Variants in RASGRF2 observed in about 807,000 individuals in gnomAD.
RASGRF2 encodes the protein ras-specific guanine nucleotide-releasing factor 2.
A neutral mutation model predicts 151.0 loss-of-function variants in RASGRF2; 76 were observed. The ratio of observed to expected loss-of-function variants is 0.50; its 90% confidence interval spans 0.42 to 0.61. RASGRF2 has a LOEUF of 0.61. RASGRF2 is among the 20% of genes least tolerant of loss of function. RASGRF2 has a pLI of 0.00. For synonymous variants in RASGRF2, 504 were observed against 566.5 expected (o/e 0.89, Z 1.57); for missense variants, 1,148 against 1,564.6 (o/e 0.73, Z 4.49).
At chr5:81,057,124 A>T (rs1751245505) in intron 2 of RASGRF2, among the ~76,000 whole-genome samples, 1 of 152,162 alleles carries the variant, frequency 6.6e-6, no homozygotes, top group Non-Finnish European at 1.5e-5. Flanking sequence ...CATTTAGCCC[A>T]TTTACATTTA....
chr5:81,003,507 G>A (rs867158518), intron 1 of RASGRF2, among the ~76,000 whole-genome samples: 5 of 152,154 alleles, frequency 3.3e-5, no homozygotes, highest in East Asian at 1.9e-4. Flanking sequence ...ACAGGCGTGA[G>A]CCACTGCGCC....
Position 81,210,395 on chromosome 5 carries a change from A to C in RASGRF2, c.3156+1957A>C, listed in dbSNP as rs184267599. Among the ~76,000 whole-genome samples the C allele has an allele frequency of 9.2e-5, 14 of 152,334 alleles. No homozygotes were observed. The East Asian group carries it at 2.7e-3, about 29-fold the overall frequency. ...CAGCAGCTTAACTCTTTCTCTGGGC[A>C]TGAGCTCCTGTACAGTGTCAACAGG... On this transcript the variant is annotated intron_variant, in intron 22 of 26. Transcript: ENST00000265080.
Position 81,048,240 on chromosome 5 carries a change from A to G in RASGRF2, c.395+5257A>G, listed in dbSNP as rs906816794. The stretch of plus-strand genomic sequence containing the variant: ...TTCTTCCTGTAACAGTAAAACTGTC[A>G]CTACTTTAAAGATGAAAATGTGGAT... On this transcript the variant is annotated intron_variant, in intron 2 of 26. Transcript: ENST00000265080. 8.5e-5 allele frequency among the ~76,000 whole-genome samples: 13 copies of G among 152,356 alleles called. No homozygotes were observed. In the East Asian group the frequency reaches 2.5e-3, roughly 29 times the overall value.
intron 23 of RASGRF2, among the ~76,000 whole-genome samples, chr5:81,213,750 A>C (rs1050637522): frequency 6.6e-6 from 1 of 152,156 alleles, no homozygotes; most frequent in African/African-American, 2.4e-5. Flanking sequence ...GTAAAAATGC[A>C]GTGCTCTGAG....
chr5:80,966,900 G>A (rs1039072213), intron 1 of RASGRF2, among the ~76,000 whole-genome samples: 22 of 152,268 alleles, frequency 1.4e-4, no homozygotes, highest in Middle Eastern at 3.4e-3. Flanking sequence ...GTTGGTCTGT[G>A]TTTATTTAAC....
At chr5:81,036,629 A>G (rs1750504424) in intron 1 of RASGRF2, among the ~76,000 whole-genome samples, 1 of 152,112 alleles carries the variant, frequency 6.6e-6, no homozygotes, top group Non-Finnish European at 1.5e-5. Flanking sequence ...TTTTCACCAA[A>G]TACTTAAGGA....
chr5:81,055,209 T>A (rs920038561), intron 2 of RASGRF2, among the ~76,000 whole-genome samples: 1 of 152,210 alleles, frequency 6.6e-6, no homozygotes, highest in Admixed American at 6.5e-5. Flanking sequence ...TGTGCCAGTT[T>A]TCAAAGGGAA....
chr5:81,072,342 C>T (rs529995519), intron 4 of RASGRF2, among the ~76,000 whole-genome samples: 9 of 152,200 alleles, frequency 5.9e-5, no homozygotes, highest in African/African-American at 2.2e-4. Context: ...GGTGACGACA[C>T]TGGTAGGCAG....
intron 16 of RASGRF2, among the ~76,000 whole-genome samples, chr5:81,125,371 T>C (rs1028629102): frequency 6.6e-6 from 1 of 152,200 alleles, no homozygotes; most frequent in Non-Finnish European, 1.5e-5. Flanking sequence ...TCTGCCTTTG[T>C]GGATATTAGC....
chr5:81,180,167 C>T lies in RASGRF2; in HGVS notation c.2687-8C>T, dbSNP rs368579996. 47 of 1,549,382 alleles carry T rather than the reference C, an allele frequency of 3.0e-5. No homozygotes were observed. Among genetic ancestry groups the T allele is most frequent in the Middle Eastern group, 1.7e-4 (1 of 5,926 alleles). ...CTGCAACACGTGTGTGTTTCTTTTT[C>T]TCCTAAGGCTTTAACAACACCGAGA... On this transcript the variant is annotated splice_polypyrimidine_tract_variant and splice_region_variant and intron_variant, in intron 17 of 26. Coordinates refer to ENST00000265080, the MANE Select transcript of RASGRF2 (RefSeq NM_006909.3).
chr5:81,111,326 G>A (rs539915028), intron 13 of RASGRF2, among the ~76,000 whole-genome samples: 3 of 152,304 alleles, frequency 2.0e-5, no homozygotes, highest in Admixed American at 2.0e-4. Flanking sequence ...AGCTACTGGT[G>A]GTCCTCGTTG....
chr5:81,104,052 A>G (rs1193853156), intron 12 of RASGRF2, among the ~76,000 whole-genome samples: 33 of 152,174 alleles, frequency 2.2e-4, no homozygotes, highest in Admixed American at 2.0e-3. Flanking sequence ...GAGGAATGAA[A>G]GAAGGACAAA....
chr5:81,168,309 C>CTTTTTTTTTTTT (rs70994426), intron 17 of RASGRF2, among the ~76,000 whole-genome samples: 1 of 115,994 alleles, frequency 8.6e-6, no homozygotes, highest in African/African-American at 3.4e-5. Context: ...TTTTTCTTCT[C>CTTTTTTTTTTTT]TTTTTTTTTT....
At chr5:81,087,405 C>T (rs374795957) in intron 9 of RASGRF2, 10 of 693,380 alleles carry the variant, frequency 1.4e-5, no homozygotes, top group South Asian at 6.0e-5. Flanking sequence ...TCAGCACTTC[C>T]GGATCCGCCC....
At chr5:81,055,534 A>C (rs914147874) in intron 2 of RASGRF2, among the ~76,000 whole-genome samples, 8 of 152,098 alleles carry the variant, frequency 5.3e-5, no homozygotes, top group Non-Finnish European at 1.0e-4. Flanking sequence ...GTTTGCCAGT[A>C]TTTTATTGAG....
intron 12 of RASGRF2, among the ~76,000 whole-genome samples, chr5:81,095,838 T>C (rs1003469690): frequency 6.6e-6 from 1 of 152,212 alleles, no homozygotes; most frequent in African/African-American, 2.4e-5. Flanking sequence ...AATTCTTTTT[T>C]TGAGTGACTG....
intron 2 of RASGRF2, among the ~76,000 whole-genome samples, chr5:81,045,047 C>T (rs926436894): frequency 6.6e-6 from 1 of 152,160 alleles, no homozygotes; most frequent in African/African-American, 2.4e-5. Flanking sequence ...TTCAGCCGTC[C>T]TTGCTCTTGG....
At chr5:81,109,191 G>T (rs1752930154) in intron 13 of RASGRF2, 113 bp downstream of exon 13, 2 of 1,427,934 alleles carry the variant, frequency 1.4e-6, no homozygotes, top group East Asian at 5.0e-5. Context: ...TTGAGAATAT[G>T]TTTCTTGACA....
chr5:81,034,159 A>C (rs1237700961), intron 1 of RASGRF2, among the ~76,000 whole-genome samples: 2 of 152,154 alleles, frequency 1.3e-5, no homozygotes, highest in African/African-American at 4.8e-5. Flanking sequence ...GACACTTCTC[A>C]AAAGAAGACA....
Sources: gnomAD v4.1 joint callset for allele counts (sites outside exome capture counted in the v4.1 genomes callset) on GRCh38, gnomAD v4.1.1 for gene constraint, MANE v1.5 for transcripts, NCBI Gene and HGNC (gene_info 2026-07-23, HGNC 2026-07-21) for gene names.